The following IDE variants were observed in gnomAD, a reference collection of about 807,000 sequenced individuals.
The protein encoded by IDE is insulin-degrading enzyme.
Under a neutral mutation model 133.2 loss-of-function variants are expected in IDE, and 58 were observed. That is an observed-to-expected ratio of 0.44 (90% CI 0.35 to 0.54). The LOEUF is 0.54. Ranked by LOEUF, IDE falls within the 20% of genes least tolerant of loss-of-function variation. The pLI is 0.00. For synonymous variants in IDE, 396 were observed against 421.3 expected (o/e 0.94, Z 0.73); for missense variants, 981 against 1,234.0 (o/e 0.79, Z 3.07).
chr10:92,566,507 A>T (rs1843559184), intron 1 of IDE, among the ~76,000 whole-genome samples: 1 of 152,120 alleles, frequency 6.6e-6, no homozygotes, highest in South Asian at 2.1e-4. Context: ...TACGCCAGGC[A>T]CAGAATGACA....
intron 1 of IDE, among the ~76,000 whole-genome samples, chr10:92,557,206 T>G (rs1843053948): frequency 6.6e-6 from 1 of 152,134 alleles, no homozygotes; most frequent in South Asian, 2.1e-4. Flanking sequence ...AAAACAATTG[T>G]AAGCAAAATA....
At chr10:92,567,338 C>A (rs7082686) in intron 1 of IDE, among the ~76,000 whole-genome samples, 1 of 152,134 alleles carries the variant, frequency 6.6e-6, no homozygotes, top group Non-Finnish European at 1.5e-5. Flanking sequence ...AAGTCACTCA[C>A]GCTCAAGACC....
In IDE at chr10:92,556,065, C is replaced by T. The variant is rs529289012; in HGVS notation, c.98+17857G>A. On this transcript the variant is annotated intron_variant, in intron 1 of 24. Coordinates refer to ENST00000265986, the MANE Select transcript of IDE (RefSeq NM_004969.4). ...GCGGGCGCCTGTAGTCCCAGCTACTCGGGAGGCTGAGGCAGGAGAATGGCG... is the reference window on the plus strand; with the variant it reads ...GCGGGCGCCTGTAGTCCCAGCTACTTGGGAGGCTGAGGCAGGAGAATGGCG... Among the ~76,000 whole-genome samples, 745 of 146,762 alleles carry T rather than the reference C, an allele frequency of 5.1e-3. 6 individuals are homozygous for T. The highest frequency in any genetic ancestry group is 7.2e-3 in the Non-Finnish European group (485 of 67,252).
rs569213379 is a variant in IDE, at chr10:92,563,430, C to A, written c.98+10492G>T. The stretch of plus-strand genomic sequence containing the variant: ...TTGCACCATTGCACTCCAGCCTGGG[C>A]TACAGAGTGAGACTCTGTCTCAAAA... On this transcript the variant is annotated intron_variant, in intron 1 of 24. Coordinates refer to ENST00000265986, the MANE Select transcript of IDE (RefSeq NM_004969.4). Among the ~76,000 whole-genome samples, 11 of 150,488 alleles carry A rather than the reference C, an allele frequency of 7.3e-5. No homozygotes were observed. The South Asian group carries it at 2.3e-3, about 32-fold the overall frequency.
At chr10:92,571,769 A>T in intron 1 of IDE, among the ~76,000 whole-genome samples, 1 of 152,248 alleles carries the variant, frequency 6.6e-6, no homozygotes, top group East Asian at 1.9e-4. Context: ...CAAATACATA[A>T]CAGTTAAGAG....
intron 13 of IDE, among the ~76,000 whole-genome samples, chr10:92,485,630 C>T (rs1459336925): frequency 6.6e-6 from 1 of 152,066 alleles, no homozygotes; most frequent in Non-Finnish European, 1.5e-5. Context: ...TTAGTTTGCT[C>T]TGGGAAGGCC....
intron 1 of IDE, among the ~76,000 whole-genome samples, chr10:92,558,405 C>A (rs968588979): frequency 6.6e-6 from 1 of 152,116 alleles, no homozygotes; most frequent in African/African-American, 2.4e-5. Flanking sequence ...TTGGATTGGG[C>A]AGTGGCTTCT....
intron 1 of IDE, among the ~76,000 whole-genome samples, chr10:92,542,339 T>C (rs1842348309): frequency 6.6e-6 from 1 of 152,220 alleles, no homozygotes; most frequent in African/African-American, 2.4e-5. Flanking sequence ...TTTTGTTTTA[T>C]AGACAGGGTT....
chr10:92,464,042 T>G (rs1845542554), intron 20 of IDE, 39 bp from the exon 21 acceptor site: 19 of 1,578,256 alleles, frequency 1.2e-5, no homozygotes, highest in Non-Finnish European at 1.6e-5. Flanking sequence ...CCGTGGCATT[T>G]GAGACCTGGG....
At chr10:92,483,103 A>G in intron 14 of IDE, 152 bp downstream of exon 14, 1 of 576,196 alleles carries the variant, frequency 1.7e-6, no homozygotes, top group South Asian at 2.2e-5. Context: ...CTTTACTTTT[A>G]TTTATTTATT....
At chr10:92,523,078 A>G (rs1849316697) in intron 4 of IDE, among the ~76,000 whole-genome samples, 1 of 152,102 alleles carries the variant, frequency 6.6e-6, no homozygotes, top group African/African-American at 2.4e-5. Flanking sequence ...TGAGAGAGAG[A>G]AAATTTGGGC....
chr10:92,473,724 T>C (rs1451636899), intron 17 of IDE, among the ~76,000 whole-genome samples: 1 of 152,088 alleles, frequency 6.6e-6, no homozygotes, highest in Non-Finnish European at 1.5e-5. Context: ...CTCATGCCTG[T>C]AATCCCAGCA....
intron 12 of IDE, 82 bp downstream of exon 12, chr10:92,490,411 G>A (rs1275234428): frequency 4.8e-6 from 4 of 836,096 alleles, no homozygotes; most frequent in Non-Finnish European, 8.2e-6. Context: ...CCACACTCTG[G>A]GGCCTTAGTT....
At chr10:92,541,344 T>C (rs1194853685) in intron 1 of IDE, 1 of 470,760 alleles carries the variant, frequency 2.1e-6, no homozygotes, top group Admixed American at 2.4e-5. Context: ...CCTCCTCTGA[T>C]GATGAATTCA....
At chr10:92,564,798 C>T (rs1290872746) in intron 1 of IDE, among the ~76,000 whole-genome samples, 2 of 149,500 alleles carry the variant, frequency 1.3e-5, no homozygotes, top group African/African-American at 4.9e-5. Flanking sequence ...TGGCTCATAC[C>T]TGTAATCCTT....
At chr10:92,474,237 T>C (rs1041046002) in intron 17 of IDE, among the ~76,000 whole-genome samples, 1 of 152,026 alleles carries the variant, frequency 6.6e-6, no homozygotes, top group African/African-American at 2.4e-5. Flanking sequence ...GCTAATAGTT[T>C]TATTATTTTT....
At chr10:92,525,926 G>A (rs1171035160) in intron 4 of IDE, among the ~76,000 whole-genome samples, 1 of 152,036 alleles carries the variant, frequency 6.6e-6, no homozygotes, top group Non-Finnish European at 1.5e-5. Flanking sequence ...GGAGGCCAAG[G>A]TGGGCAGATC....
At chr10:92,467,216 G>A (rs916532241) in intron 19 of IDE, among the ~76,000 whole-genome samples, 4 of 150,836 alleles carry the variant, frequency 2.7e-5, no homozygotes, top group Admixed American at 2.0e-4. Context: ...CTACAGGTGT[G>A]CGCCACTATG....
intron 1 of IDE, among the ~76,000 whole-genome samples, chr10:92,563,690 G>A (rs561570527): frequency 6.6e-6 from 1 of 152,076 alleles, no homozygotes; most frequent in South Asian, 2.1e-4. Flanking sequence ...AGGGGGCAGA[G>A]GTTGCAGTGA....
Sources: gnomAD v4.1 joint callset for allele counts (sites outside exome capture counted in the v4.1 genomes callset) on GRCh38, gnomAD v4.1.1 for gene constraint, MANE v1.5 for transcripts, NCBI Gene and HGNC (gene_info 2026-07-23, HGNC 2026-07-21) for gene names.